The following NXPE2 variants were observed in gnomAD, a reference collection of about 807,000 sequenced individuals.
NXPE2 encodes the protein NXPE family member 2.
Under a neutral mutation model 34.4 loss-of-function variants are expected in NXPE2, and 34 were observed. That is an observed-to-expected ratio of 0.99 (90% CI 0.75 to 1.31). NXPE2 has a LOEUF of 1.31. NXPE2 is among the 40% of genes most tolerant of loss of function. NXPE2 has a pLI of 0.00. For synonymous variants in NXPE2, 235 were observed against 231.3 expected (o/e 1.02, Z -0.15); for missense variants, 649 against 672.5 (o/e 0.97, Z 0.39).
At chr11:114,551,788 G>A in the NXPE2 span, among the ~76,000 whole-genome samples, 1 of 152,124 alleles carries the variant, frequency 6.6e-6, no homozygotes, top group Non-Finnish European at 1.5e-5. Context: ...GCTGGGCACT[G>A]TGTGAGGAAG....
chr11:114,568,474 C>A, the NXPE2 span, among the ~76,000 whole-genome samples: 3 of 145,494 alleles, frequency 2.1e-5, no homozygotes, highest in Non-Finnish European at 3.0e-5. Context: ...ACTGCTCCCC[C>A]CTCCCTTTAT....
the NXPE2 span, among the ~76,000 whole-genome samples, chr11:114,782,436 C>T: frequency 1.3e-5 from 2 of 152,170 alleles, no homozygotes; most frequent in African/African-American, 4.8e-5. Context: ...GGAAAAGGCA[C>T]CAAACTCCAC....
At chr11:114,579,677 T>A in the NXPE2 span, among the ~76,000 whole-genome samples, 1 of 152,244 alleles carries the variant, frequency 6.6e-6, no homozygotes, top group Non-Finnish European at 1.5e-5. Context: ...CTTTTCATCT[T>A]CAGTTGACAG....
chr11:114,700,247 A>G (rs1951340182), intron 3 of NXPE2, among the ~76,000 whole-genome samples: 1 of 152,176 alleles, frequency 6.6e-6, no homozygotes, highest in Non-Finnish European at 1.5e-5. Flanking sequence ...AGATGACCCC[A>G]CGGCTCTAAG....
the NXPE2 span, among the ~76,000 whole-genome samples, chr11:114,749,044 C>T: frequency 6.6e-6 from 1 of 152,166 alleles, no homozygotes; most frequent in Non-Finnish European, 1.5e-5. Flanking sequence ...TTTTCTAGGA[C>T]AAGACATTCC....
the NXPE2 span, among the ~76,000 whole-genome samples, chr11:114,722,309 C>A: frequency 6.6e-6 from 1 of 152,144 alleles, no homozygotes; most frequent in African/African-American, 2.4e-5. Flanking sequence ...CCTTCTCACT[C>A]TCTCTTGGCT....
At chr11:114,600,961 GTA>G in the NXPE2 span, among the ~76,000 whole-genome samples, 1 of 151,848 alleles carries the variant, frequency 6.6e-6, no homozygotes, top group Admixed American at 6.6e-5. Flanking sequence ...TCCACATATC[GTA>G]TACCAAATAA....
the NXPE2 span, among the ~76,000 whole-genome samples, chr11:114,512,231 T>C: frequency 6.6e-6 from 1 of 152,152 alleles, no homozygotes; most frequent in Non-Finnish European, 1.5e-5. Context: ...TAGCTTCCTG[T>C]TTTACTTGAA....
the NXPE2 span, among the ~76,000 whole-genome samples, chr11:114,730,175 C>CT: frequency 6.6e-6 from 1 of 151,946 alleles, no homozygotes; most frequent in Non-Finnish European, 1.5e-5. Flanking sequence ...TTTCCTGTTC[C>CT]TTTTTTTGTT....
At chr11:114,628,498 A>T in the NXPE2 span, among the ~76,000 whole-genome samples, 27 of 152,118 alleles carry the variant, frequency 1.8e-4, no homozygotes, top group East Asian at 5.0e-3. Flanking sequence ...ACGTACCAGA[A>T]TCTCTGGGAC....
At chr11:114,653,024 T>C in the NXPE2 span, among the ~76,000 whole-genome samples, 2 of 152,246 alleles carry the variant, frequency 1.3e-5, no homozygotes, top group Non-Finnish European at 2.9e-5. Flanking sequence ...TGGGGGGTTC[T>C]GCTGATGTAG....
the NXPE2 span, among the ~76,000 whole-genome samples, chr11:114,788,007 C>A: frequency 1.3e-5 from 2 of 152,160 alleles, no homozygotes; most frequent in Admixed American, 1.3e-4. Flanking sequence ...GGTCCAGCCC[C>A]AGGACATTCA....
the NXPE2 span, chr11:114,571,582 G>A: frequency 9.7e-7 from 1 of 1,034,274 alleles, no homozygotes. Context: ...AGCTAATCAT[G>A]TCTAATTTAT....
At chr11:114,650,073 A>AG in the NXPE2 span, among the ~76,000 whole-genome samples, 3 of 152,234 alleles carry the variant, frequency 2.0e-5, no homozygotes, top group Non-Finnish European at 4.4e-5. Context: ...CCTAACAATG[A>AG]GAAAAAAAAT....
the NXPE2 span, among the ~76,000 whole-genome samples, chr11:114,603,793 A>G: frequency 6.6e-6 from 1 of 151,780 alleles, no homozygotes. Flanking sequence ...CTGGAGGATA[A>G]TAAGTATTGC....
chr11:114,686,313 T>C lies in NXPE2; in HGVS notation c.132+6551T>C, dbSNP rs191247295. Among the ~76,000 whole-genome samples, 356 of 152,156 alleles carry C rather than the reference T, an allele frequency of 2.3e-3. 5 individuals are homozygous for C. The highest frequency in any genetic ancestry group is 0.018 in the Admixed American group (282 of 15,268). On this transcript the variant is annotated intron_variant, in intron 2 of 5. Coordinates refer to ENST00000389586, the MANE Select transcript of NXPE2 (RefSeq NM_182495.6). ...TCCCCAGTGTTTATTGTTCTCATCT[T>C]TGGGTCCATGTGTATCCAACGTTTA...
chr11:114,472,573 A>C, the NXPE2 span, among the ~76,000 whole-genome samples: 15 of 152,144 alleles, frequency 9.9e-5, no homozygotes, highest in Non-Finnish European at 1.6e-4. Context: ...AATAGCATAG[A>C]CTGGGTGGGT....
At chr11:114,487,500 C>G in the NXPE2 span, among the ~76,000 whole-genome samples, 115 of 152,136 alleles carry the variant, frequency 7.6e-4, no homozygotes, top group African/African-American at 2.7e-3. Flanking sequence ...AGTTTGGATG[C>G]CTTTTATTTG....
the NXPE2 span, among the ~76,000 whole-genome samples, chr11:114,507,781 A>C: frequency 6.6e-6 from 1 of 152,086 alleles, no homozygotes; most frequent in African/African-American, 2.4e-5. Context: ...CCCATAGCCA[A>C]CATCATACTG....
Sources: allele counts gnomAD v4.1 joint callset (sites outside exome capture counted in the v4.1 genomes callset), GRCh38; gene constraint gnomAD v4.1.1; transcripts MANE v1.5; gene names NCBI Gene and HGNC (gene_info 2026-07-23, HGNC 2026-07-21).